Variants in BROX observed in about 807,000 individuals in gnomAD.
The protein encoded by BROX is BRO1 domain and CAAX motif containing.
BROX carries 53 observed loss-of-function variants against 61.0 expected under a neutral mutation model. The ratio of observed to expected loss-of-function variants is 0.87; its 90% CI spans 0.70 to 1.09. BROX has a LOEUF of 1.09. Among genes scored for constraint, BROX ranks in the 50% least tolerant of loss-of-function variants. BROX has a pLI of 0.00. For synonymous variants in BROX, 152 were observed against 160.2 expected, an observed-to-expected ratio of 0.95 and a Z score of 0.38; for missense variants, 489 against 472.0, an observed-to-expected ratio of 1.04 and a Z score of -0.33.
At chr1:222,715,437 G>A (rs1656525698) in intron 1 of BROX, among the ~76,000 whole-genome samples, 1 of 152,170 alleles carries the variant, frequency 6.6e-6, no homozygotes, top group African/African-American at 2.4e-5. Context: ...GCCGGGCGCG[G>A]TGGCTCACGC....
In BROX at chr1:222,712,844, A is replaced by T. The variant is rs1250891883; in HGVS notation, c.-115A>T. The T allele has an allele frequency of 3.1e-6, 4 of 1,281,262 alleles. No individual in the cohort carries two copies. Among genetic ancestry groups the T allele is most frequent in the African/African-American group, 1.5e-5 (1 of 65,498 alleles). The allele number at this position is 1,281,262 out of a possible 1,614,324, so 79.4% of individuals were successfully genotyped here. A position where few individuals can be genotyped will look rare whatever the true frequency, so the allele number is the denominator to read the frequency against. The stretch of plus-strand genomic sequence containing the variant: ...TGGTTTTCCGTCACCCTGGTTCTGT[A>T]GTCTCGGTTCTCCGACTCCCTCTTT... On this transcript the variant is annotated 5_prime_UTR_variant, in exon 1 of 13. It removes the in-frame stop codon of an upstream open reading frame in the 5' UTR. Transcript: ENST00000340934.
At chr1:222,730,281 C>A in intron 11 of BROX, 104 bp downstream of exon 11, 1 of 860,750 alleles carries the variant, frequency 1.2e-6, no homozygotes, top group Non-Finnish European at 1.6e-6. Context: ...TCTCTATTCC[C>A]AAAAGTTTTA....
At position 222,732,622 on chromosome 1, in the gene BROX, C is replaced by T. The variant is rs766099340; in HGVS notation, c.1150-6C>T. On this transcript the variant is annotated splice_region_variant and splice_polypyrimidine_tract_variant and intron_variant, in intron 12 of 12. Transcript: ENST00000340934. ...TGTACTTAAACTGTGGTTTTTTTCT[C>T]CCTAGACTAAACCCAAACCAGAAGA... The T allele has an allele frequency of 6.8e-6, 11 of 1,608,620 alleles. No homozygotes were observed. Among genetic ancestry groups the T allele is most frequent in the South Asian group, 2.2e-5 (2 of 90,542 alleles).
chr1:222,723,698 G>T (rs942664158), intron 5 of BROX, among the ~76,000 whole-genome samples: 2 of 152,122 alleles, frequency 1.3e-5, no homozygotes, highest in African/African-American at 4.8e-5. Flanking sequence ...GCGGGGGGAT[G>T]GAGTGCCGCT....
chr1:222,721,506 T>C (rs17163450), intron 4 of BROX, among the ~76,000 whole-genome samples: 14,492 of 152,086 alleles, frequency 0.095, 1,260 homozygotes, highest in East Asian at 0.27. Flanking sequence ...TTCTGTTTCT[T>C]AGTATTACGT....
At position 222,715,717 on chromosome 1, in the gene BROX, T is replaced by C. The variant is rs367964617; in HGVS notation, c.18T>C (p.His6=). ...TGGAGAAAATGACCCATTGGTTTCA[T>C]AGGAACCCATTAAAAGCCACAGCTC... is the stretch of plus-strand genomic sequence containing the variant. MTHWF[H]RNPLKATAPV... The change falls in exon 2 of 13, where the codon CAT becomes CAC. Residue 6 remains histidine, a synonymous_variant. Transcript: ENST00000340934. The C allele has an allele frequency of 2.5e-6, 4 of 1,572,814 alleles. No homozygotes were observed. In the African/African-American group the frequency reaches 4.1e-5, roughly 16 times the overall value.
intron 10 of BROX, 111 bp from the exon 11 acceptor site, chr1:222,729,911 CTATTA>C: frequency 9.4e-7 from 1 of 1,067,766 alleles, no homozygotes; most frequent in Non-Finnish European, 1.4e-6. Flanking sequence ...ATTGGTATTG[CTATTA>C]TATTAGGTAA....
In BROX at chr1:222,731,385, C is replaced by T. The variant is rs751491598; in HGVS notation, c.1018C>T (p.Pro340Ser). The T allele has an allele frequency of 1.3e-6, 2 of 1,569,956 alleles. No individual in the cohort carries two copies. The highest frequency in any genetic ancestry group is 1.2e-5 in the South Asian group (1 of 83,834). The change falls in exon 12 of 13, where the codon CCA becomes TCA. Residue 340 changes from proline (P) to serine (S), a missense_variant. By Grantham distance (74) the Pro-to-Ser change is moderately conservative (BLOSUM62 -1). Coordinates refer to ENST00000340934, the MANE Select transcript of BROX (RefSeq NM_144695.4). The part of the protein sequence containing the change: ...IYFQKIPTEA[P>S]QLELKANYGL... ...CTTTCAAAAAATTCCAACAGAAGCC[C>T]CACAGCTGGAACTCAAAGCAAATTA...
intron 1 of BROX, chr1:222,713,668 G>A (rs978585550): frequency 1.3e-5 from 2 of 153,860 alleles, no homozygotes; most frequent in Non-Finnish European, 2.9e-5. Flanking sequence ...CTTTCCTGAA[G>A]TAAAGATTCG....
intron 1 of BROX, chr1:222,715,167 T>G (rs1656495188): frequency 6.6e-6 from 1 of 152,258 alleles, no homozygotes; most frequent in African/African-American, 2.4e-5. Context: ...AATCTAGTAC[T>G]TTGCTATTCA....
chr1:222,719,273 T>C lies in BROX; in HGVS notation c.219T>C (p.Asn73=), dbSNP rs748070974. 1.9e-6 allele frequency: 3 copies of C among 1,586,844 alleles called. No homozygotes were observed. In the South Asian group the frequency reaches 3.3e-5, roughly 18 times the overall value. ...SYFSLLQGFI[N]SLDESTQESK... ...TGTACTTTTCTATAGGTTTCATAAA[T>C]TCTTTGGATGAATCTACCCAAGAAA... Residue 73 remains asparagine (N), a synonymous_variant, in exon 4 of 13, where the codon AAT becomes AAC. Transcript: ENST00000340934.
intron 1 of BROX, among the ~76,000 whole-genome samples, chr1:222,715,435 C>T (rs186130053): frequency 6.6e-6 from 1 of 152,206 alleles, no homozygotes; most frequent in Admixed American, 6.5e-5. Flanking sequence ...AGGCCGGGCG[C>T]GGTGGCTCAC....
At chr1:222,730,599 T>C (rs187424306) in intron 11 of BROX, among the ~76,000 whole-genome samples, 92 of 152,316 alleles carry the variant, frequency 6.0e-4, no homozygotes, top group South Asian at 1.9e-3. Context: ...GTCTCAAATA[T>C]ATATAGTATT....
At chr1:222,714,906 TATTG>T (rs1462281634) in intron 1 of BROX, among the ~76,000 whole-genome samples, 1 of 152,230 alleles carries the variant, frequency 6.6e-6, no homozygotes, top group African/African-American at 2.4e-5. Flanking sequence ...TAATAGAATT[TATTG>T]ATCAAGTATT....
rs1657320670 is a variant in BROX at position 222,724,160 on chromosome 1, T to G, written c.470T>G (p.Leu157Ter). ...ATTGCAGCTGGGATTTTTAAACATT[T>G]AAAGGTAAAACAAACAAACAAAAAC... The part of the protein sequence containing the change: ...LKIAAGIFKH[L>*]KESHLPKLIT... The change falls in exon 6 of 13, where the codon TTA (leucine) becomes TGA (stop). Residue 157 changes from leucine to a stop codon, truncating the protein, a stop_gained. Transcript: ENST00000340934. LOFTEE classifies it high-confidence loss of function. 3 of 1,605,692 alleles carry G rather than the reference T, an allele frequency of 1.9e-6. No homozygotes were observed. The highest frequency in any genetic ancestry group is 2.6e-6 in the Non-Finnish European group (3 of 1,176,228).
intron 6 of BROX, among the ~76,000 whole-genome samples, chr1:222,725,053 A>G (rs1279649664): frequency 6.6e-6 from 1 of 152,150 alleles, no homozygotes; most frequent in Non-Finnish European, 1.5e-5. Flanking sequence ...TCGGCCTCCC[A>G]AAGTGCTGGG....
At chr1:222,721,829 T>C (rs1657117163) in intron 4 of BROX, among the ~76,000 whole-genome samples, 1 of 152,174 alleles carries the variant, frequency 6.6e-6, no homozygotes, top group African/African-American at 2.4e-5. Flanking sequence ...TACCTTCTGC[T>C]CCAGTCAAGC....
chr1:222,717,311 G>A (rs369306326), intron 2 of BROX, among the ~76,000 whole-genome samples: 2 of 152,122 alleles, frequency 1.3e-5, no homozygotes, highest in African/African-American at 4.8e-5. Context: ...GGCAAGTCCC[G>A]ACTTAGCTGT....
chr1:222,726,822 C>T (rs1455289815), intron 7 of BROX, among the ~76,000 whole-genome samples: 1 of 152,094 alleles, frequency 6.6e-6, no homozygotes, highest in African/African-American at 2.4e-5. Flanking sequence ...GAGTTTGAGG[C>T]TGCAGTAAGC....
Sources: gnomAD v4.1 joint callset for allele counts (sites outside exome capture counted in the v4.1 genomes callset) on GRCh38, gnomAD v4.1.1 for gene constraint, MANE v1.5 for transcripts, NCBI Gene and HGNC (gene_info 2026-07-23, HGNC 2026-07-21) for gene names.